CNTLN: variants seen among roughly 807,000 people sequenced by gnomAD.
CNTLN encodes the protein centlein, centrosomal protein.
Under a neutral mutation model 180.0 loss-of-function variants are expected in CNTLN, and 212 were observed. The observed-to-expected ratio is 1.18, with a 90% CI of 1.05 to 1.32. CNTLN has a LOEUF of 1.32. Ranked by LOEUF, CNTLN falls within the 40% of genes most tolerant of loss-of-function variation. CNTLN has a pLI of 0.00. For synonymous variants in CNTLN, 722 were observed against 563.1 expected (o/e 1.28, Z -3.99); for missense variants, 2,095 against 1,610.9 (o/e 1.30, Z -5.14).
intron 2 of CNTLN, among the ~76,000 whole-genome samples, chr9:17,154,807 GC>G (rs1279753457): frequency 6.6e-6 from 1 of 152,200 alleles, no homozygotes; most frequent in Non-Finnish European, 1.5e-5. Flanking sequence ...CAGGACGTGG[GC>G]GGGGCCAAAT....
At chr9:17,356,308 T>C (rs577041731) in intron 12 of CNTLN, among the ~76,000 whole-genome samples, 2 of 152,272 alleles carry the variant, frequency 1.3e-5, no homozygotes, top group South Asian at 4.1e-4. Context: ...TACACTAAGA[T>C]TGTAGCTCAG....
intron 18 of CNTLN, among the ~76,000 whole-genome samples, chr9:17,419,840 T>C (rs1405088245): frequency 6.6e-6 from 1 of 152,214 alleles, no homozygotes; most frequent in Non-Finnish European, 1.5e-5. Flanking sequence ...ATACTAATTT[T>C]CCAATAATTT....
intron 19 of CNTLN, among the ~76,000 whole-genome samples, chr9:17,462,277 A>G (rs138352012): frequency 6.6e-6 from 1 of 151,868 alleles, no homozygotes; most frequent in African/African-American, 2.4e-5. Context: ...AGATCGGACA[A>G]TTGGTCTACT....
At chr9:17,215,108 C>T (rs1823641513) in intron 2 of CNTLN, among the ~76,000 whole-genome samples, 1 of 152,194 alleles carries the variant, frequency 6.6e-6, no homozygotes, top group African/African-American at 2.4e-5. Context: ...AGCTGCATTC[C>T]TTTGGAGGAG....
intron 8 of CNTLN, among the ~76,000 whole-genome samples, chr9:17,326,012 A>T (rs1820265349): frequency 6.6e-6 from 1 of 152,080 alleles, no homozygotes; most frequent in South Asian, 2.1e-4. Flanking sequence ...TGTATAATTT[A>T]AAAAATAGTA....
intron 10 of CNTLN, among the ~76,000 whole-genome samples, chr9:17,340,597 A>C (rs1413867715): frequency 6.6e-6 from 1 of 152,210 alleles, no homozygotes; most frequent in Non-Finnish European, 1.5e-5. Flanking sequence ...TAAAATTTTG[A>C]AATTATGTGA....
Position 17,135,430 on chromosome 9 carries a change from C to T in CNTLN, c.360+5C>T. 1 of 1,591,102 alleles carries T rather than the reference C, an allele frequency of 6.3e-7. No homozygotes were observed. Among genetic ancestry groups the T allele is most frequent in the Non-Finnish European group, 8.5e-7 (1 of 1,170,492 alleles). On this transcript the variant is annotated splice_donor_5th_base_variant and intron_variant, in intron 1 of 25. Coordinates refer to ENST00000380647, the MANE Select transcript of CNTLN (RefSeq NM_017738.4). Reference sequence around the variant, plus strand: ...GAGGAGTTGGCCCTGTGTCAGGTATCGAGGAGTCTCGCAGTCCCCCTTTCC... The same window carrying T: ...GAGGAGTTGGCCCTGTGTCAGGTATTGAGGAGTCTCGCAGTCCCCCTTTCC...
At chr9:17,208,603 T>C (rs1823081740) in intron 2 of CNTLN, among the ~76,000 whole-genome samples, 1 of 152,222 alleles carries the variant, frequency 6.6e-6, no homozygotes, top group Non-Finnish European at 1.5e-5. Flanking sequence ...TGGGCTCTTC[T>C]GTGCTGGAAG....
intron 2 of CNTLN, among the ~76,000 whole-genome samples, chr9:17,163,079 T>G (rs1819792360): frequency 6.6e-6 from 1 of 152,200 alleles, no homozygotes; most frequent in African/African-American, 2.4e-5. Flanking sequence ...AGTCACATCT[T>G]ACATTGTGGT....
At chr9:17,511,181 CT>C in the CNTLN span, among the ~76,000 whole-genome samples, 1 of 152,206 alleles carries the variant, frequency 6.6e-6, no homozygotes, top group African/African-American at 2.4e-5. Context: ...CTTATGTGGT[CT>C]TTTTAGAAAG....
intron 2 of CNTLN, among the ~76,000 whole-genome samples, chr9:17,160,420 C>T (rs1039332277): frequency 7.2e-5 from 11 of 152,282 alleles, no homozygotes; most frequent in South Asian, 6.2e-4. Context: ...CTATCACAGG[C>T]ATGACATTTT....
chr9:17,263,821 C>G (rs10962971), intron 5 of CNTLN, among the ~76,000 whole-genome samples: 10 of 127,312 alleles, frequency 7.9e-5, no homozygotes, highest in Admixed American at 5.5e-4. Context: ...TCATGTGTTT[C>G]TTGGCTGCAT....
At chr9:17,412,522 T>G (rs1420473903) in intron 16 of CNTLN, among the ~76,000 whole-genome samples, 1 of 152,222 alleles carries the variant, frequency 6.6e-6, no homozygotes, top group Non-Finnish European at 1.5e-5. Flanking sequence ...GAAACTGTAC[T>G]TTGAGTACCC....
chr9:17,285,508 G>C (rs1478352835), intron 6 of CNTLN, among the ~76,000 whole-genome samples: 2 of 139,918 alleles, frequency 1.4e-5, no homozygotes. Context: ...ATAGTTCTTT[G>C]GGTATATACC....
chr9:17,519,681 ATG>A, the CNTLN span, among the ~76,000 whole-genome samples: 1 of 152,176 alleles, frequency 6.6e-6, no homozygotes, highest in Admixed American at 6.5e-5. Context: ...AAATAAAATT[ATG>A]TGTTTATTGG....
intron 25 of CNTLN, among the ~76,000 whole-genome samples, chr9:17,492,416 G>T (rs977962896): frequency 3.5e-4 from 54 of 152,156 alleles, no homozygotes; most frequent in African/African-American, 1.3e-3. Context: ...TTTCTGCCTG[G>T]AAGTTCTTTA....
intron 12 of CNTLN, among the ~76,000 whole-genome samples, chr9:17,346,003 T>C (rs1351672639): frequency 6.6e-6 from 1 of 152,216 alleles, no homozygotes; most frequent in Non-Finnish European, 1.5e-5. Context: ...TCTTCTTCAT[T>C]ATTTGTATTA....
intron 3 of CNTLN, among the ~76,000 whole-genome samples, chr9:17,235,249 A>G (rs1190652964): frequency 6.6e-6 from 1 of 152,208 alleles, no homozygotes; most frequent in East Asian, 1.9e-4. Context: ...AAAGTGATTT[A>G]TGCTTTTACA....
chr9:17,502,070 T>C (rs1042114889), intron 25 of CNTLN, among the ~76,000 whole-genome samples: 3 of 151,062 alleles, frequency 2.0e-5, no homozygotes, highest in Non-Finnish European at 2.9e-5. Flanking sequence ...ATGGGTATAC[T>C]TTTGCGATTT....
Sources: allele counts gnomAD v4.1 joint callset (sites outside exome capture counted in the v4.1 genomes callset), GRCh38; gene constraint gnomAD v4.1.1; transcripts MANE v1.5; gene names NCBI Gene and HGNC (gene_info 2026-07-23, HGNC 2026-07-21).